Variants in KCNIP1 observed in about 807,000 individuals in gnomAD.
KCNIP1 encodes potassium voltage-gated channel interacting protein 1.
Under a neutral mutation model 33.0 loss-of-function variants are expected in KCNIP1, and 18 were observed. That is an observed-to-expected ratio of 0.55 (90% confidence interval 0.38 to 0.81). The LOEUF (loss-of-function observed/expected upper bound fraction) is 0.81, where lower values mean the gene tolerates loss of function less well. Ranked by LOEUF, KCNIP1 falls within the 30% of genes least tolerant of loss-of-function variation. KCNIP1 has a pLI of 0.00. For missense variants in KCNIP1, 238 were observed against 271.6 expected, an observed-to-expected ratio of 0.88 and a Z score of 0.87; for synonymous variants, 93 against 98.3, an observed-to-expected ratio of 0.95 and a Z score of 0.32.
intron 1 of KCNIP1, among the ~76,000 whole-genome samples, chr5:170,650,424 C>T (rs952976803): frequency 2.1e-4 from 32 of 152,052 alleles, no homozygotes; most frequent in Admixed American, 1.4e-3. Flanking sequence ...AAATCAGCCA[C>T]GCAGTATGCA....
chr5:170,683,745 A>G (rs1187409419), intron 1 of KCNIP1, among the ~76,000 whole-genome samples: 2 of 149,056 alleles, frequency 1.3e-5, no homozygotes, highest in Non-Finnish European at 3.0e-5. Context: ...TTTCTTCGAG[A>G]CTAAATCTCA....
chr5:170,597,187 G>A (rs1417512237), intron 1 of KCNIP1, among the ~76,000 whole-genome samples: 2 of 152,266 alleles, frequency 1.3e-5, no homozygotes, highest in South Asian at 2.1e-4. Flanking sequence ...ATTTAGGCCC[G>A]CACGGTGGGT....
chr5:170,578,956 C>T (rs779973160), intron 1 of KCNIP1, among the ~76,000 whole-genome samples: 8 of 152,074 alleles, frequency 5.3e-5, no homozygotes, highest in African/African-American at 1.7e-4. Flanking sequence ...GCTTGAGGGA[C>T]AGAAAGAAAG....
chr5:170,536,320 G>A (rs1328276189), intron 1 of KCNIP1, among the ~76,000 whole-genome samples: 2 of 152,222 alleles, frequency 1.3e-5, no homozygotes, highest in African/African-American at 2.4e-5. Context: ...GCAGCCTTGT[G>A]CATGACCTTG....
chr5:170,517,009 G>A (rs1460257047), intron 1 of KCNIP1, among the ~76,000 whole-genome samples: 5 of 152,018 alleles, frequency 3.3e-5, no homozygotes, highest in Non-Finnish European at 7.4e-5. Flanking sequence ...GGTGTTATTC[G>A]TGGTGGTAAT....
chr5:170,512,629 T>A (rs1305183834), intron 1 of KCNIP1, among the ~76,000 whole-genome samples: 1 of 152,228 alleles, frequency 6.6e-6, no homozygotes, highest in Non-Finnish European at 1.5e-5. Flanking sequence ...AATGCAGTCA[T>A]GCATGTAAGA....
intron 1 of KCNIP1, among the ~76,000 whole-genome samples, chr5:170,491,421 T>G: frequency 6.6e-6 from 1 of 152,182 alleles, no homozygotes; most frequent in Non-Finnish European, 1.5e-5. Flanking sequence ...ACTGAAGGCC[T>G]CAGGCTACTC....
chr5:170,714,982 T>C (rs1030775617), intron 1 of KCNIP1, among the ~76,000 whole-genome samples: 4 of 152,182 alleles, frequency 2.6e-5, no homozygotes, highest in Non-Finnish European at 5.9e-5. Flanking sequence ...TCACACTCAC[T>C]CACCATCACT....
chr5:170,373,652 T>C (rs572747108), intron 1 of KCNIP1, among the ~76,000 whole-genome samples: 3 of 152,348 alleles, frequency 2.0e-5, no homozygotes, highest in South Asian at 2.1e-4. Context: ...GTGGTATTGT[T>C]TTACATTTTT....
intron 1 of KCNIP1, among the ~76,000 whole-genome samples, chr5:170,554,671 A>C (rs1301609149): frequency 3.3e-5 from 5 of 152,144 alleles, no homozygotes; most frequent in African/African-American, 1.2e-4. Context: ...TAAGATAGCA[A>C]ATGTCTTTGC....
chr5:170,734,151 G>T (rs1175760154), intron 7 of KCNIP1, among the ~76,000 whole-genome samples: 1 of 151,952 alleles, frequency 6.6e-6, no homozygotes, highest in Non-Finnish European at 1.5e-5. Context: ...ACTCAGAGGG[G>T]GTCTCTGTGA....
rs571133462 is a variant in KCNIP1 at position 170,475,447 on chromosome 5, T to A, written c.88+121483T>A. ...AGGGCGGTGCTGGGAGGAACCTCCCTGACTCCTGCTGCAGACCCACTGAGA... is the reference window on the plus strand; with the variant it reads ...AGGGCGGTGCTGGGAGGAACCTCCCAGACTCCTGCTGCAGACCCACTGAGA... On this transcript the variant is annotated intron_variant, in intron 1 of 7. Transcript: ENST00000377360. Among the ~76,000 whole-genome samples the A allele has an allele frequency of 8.5e-5, 13 of 152,338 alleles. No individual in the cohort carries two copies. The East Asian group carries it at 1.2e-3, about 14-fold the overall frequency.
At chr5:170,678,744 T>C (rs537941452) in intron 1 of KCNIP1, among the ~76,000 whole-genome samples, 4 of 152,252 alleles carry the variant, frequency 2.6e-5, no homozygotes, top group Admixed American at 6.5e-5. Flanking sequence ...GAGGAGAGCT[T>C]ATGCCTAGCT....
chr5:170,605,317 G>A (rs899693006), intron 1 of KCNIP1, among the ~76,000 whole-genome samples: 1 of 152,100 alleles, frequency 6.6e-6, no homozygotes, highest in Non-Finnish European at 1.5e-5. Context: ...TTTAGCCTCT[G>A]CTCCTGCTTC....
intron 1 of KCNIP1, among the ~76,000 whole-genome samples, chr5:170,580,681 A>T (rs1757758071): frequency 6.6e-6 from 1 of 152,214 alleles, no homozygotes; most frequent in Non-Finnish European, 1.5e-5. Context: ...GGATGTATTA[A>T]CATGAAGAAA....
intron 1 of KCNIP1, among the ~76,000 whole-genome samples, chr5:170,475,680 G>A (rs960361552): frequency 2.0e-5 from 3 of 152,132 alleles, no homozygotes; most frequent in Admixed American, 1.3e-4. Flanking sequence ...GCCTCTTTGT[G>A]GGGGGTTCTT....
At chr5:170,524,837 G>A (rs944691379) in intron 1 of KCNIP1, among the ~76,000 whole-genome samples, 1 of 152,202 alleles carries the variant, frequency 6.6e-6, no homozygotes, top group African/African-American at 2.4e-5. Flanking sequence ...CTGGCATGGA[G>A]CAGACAGCTC....
At chr5:170,399,119 C>A (rs1027250596) in intron 1 of KCNIP1, among the ~76,000 whole-genome samples, 1 of 151,300 alleles carries the variant, frequency 6.6e-6, no homozygotes, top group Admixed American at 6.6e-5. Flanking sequence ...GATGTGCTTA[C>A]CAAAGGTAAG....
intron 5 of KCNIP1, among the ~76,000 whole-genome samples, chr5:170,728,502 T>A (rs1357504940): frequency 2.0e-5 from 3 of 152,158 alleles, no homozygotes; most frequent in Non-Finnish European, 4.4e-5. Flanking sequence ...GGTAATAAAA[T>A]ACATATGCAA....
Sources: allele counts gnomAD v4.1 joint callset (sites outside exome capture counted in the v4.1 genomes callset), GRCh38; gene constraint gnomAD v4.1.1; transcripts MANE v1.5; gene names NCBI Gene and HGNC (gene_info 2026-07-23, HGNC 2026-07-21).